GRIK4: variants seen among roughly 807,000 people sequenced by gnomAD.
GRIK4 encodes glutamate receptor ionotropic, kainate 4.
A neutral mutation model predicts 104.9 loss-of-function variants in GRIK4; 40 were observed. The ratio of observed to expected loss-of-function variants is 0.38; its 90% CI spans 0.30 to 0.50. GRIK4 has a LOEUF of 0.50. GRIK4 is among the 20% of genes least tolerant of loss of function. The pLI is 0.93. For synonymous variants in GRIK4, 485 were observed against 524.9 expected (o/e 0.92, Z 1.04); for missense variants, 1,047 against 1,308.1 (o/e 0.80, Z 3.08).
rs148371951 is a variant in GRIK4 at position 120,891,845 on chromosome 11, G to A, written c.1165-6687G>A. On this transcript the variant is annotated intron_variant, in intron 11 of 20. Transcript: ENST00000527524. ...GGGACCTTTGAGCTGAAGCCTGAGGGGATTAACAGATGTAAAGTAGATCAA... is the reference window on the plus strand; with the variant it reads ...GGGACCTTTGAGCTGAAGCCTGAGGAGATTAACAGATGTAAAGTAGATCAA... Among the ~76,000 whole-genome samples, 844 of 152,238 alleles carry A rather than the reference G, an allele frequency of 5.5e-3. 5 individuals carry two copies. Among genetic ancestry groups the A allele is most frequent in the Non-Finnish European group, 9.0e-3 (610 of 68,016 alleles).
At chr11:120,717,661 T>C (rs1242896081) in intron 3 of GRIK4, among the ~76,000 whole-genome samples, 1 of 152,148 alleles carries the variant, frequency 6.6e-6, no homozygotes, top group Non-Finnish European at 1.5e-5. Flanking sequence ...ATAAGAATCC[T>C]CCTGCTTCCT....
chr11:120,938,872 C>T (rs1411871343), intron 13 of GRIK4, among the ~76,000 whole-genome samples: 1 of 152,192 alleles, frequency 6.6e-6, no homozygotes, highest in African/African-American at 2.4e-5. Flanking sequence ...GTCCTACCAC[C>T]AGAAAATCTG....
intron 1 of GRIK4, chr11:120,514,936 T>C (rs947214704): frequency 8.5e-5 from 39 of 456,166 alleles, no homozygotes; most frequent in African/African-American, 8.0e-5. Flanking sequence ...TTGTTGGGCC[T>C]CCAGCCTCAG....
At chr11:120,875,950 C>A (rs960436909) in intron 11 of GRIK4, among the ~76,000 whole-genome samples, 2 of 152,044 alleles carry the variant, frequency 1.3e-5, no homozygotes, top group African/African-American at 4.8e-5. Context: ...TTTGGCTGAC[C>A]CTTCTGCAGC....
intron 11 of GRIK4, among the ~76,000 whole-genome samples, chr11:120,875,671 G>C (rs940209427): frequency 6.6e-6 from 1 of 152,012 alleles, no homozygotes; most frequent in Non-Finnish European, 1.5e-5. Context: ...GCCCTTCTCT[G>C]ACCAACCCAC....
rs1177263533 is a variant in GRIK4 at position 120,819,133 on chromosome 11, T to C, written c.346-622T>C. Among the ~76,000 whole-genome samples, 1 of 152,216 alleles carries C rather than the reference T, an allele frequency of 6.6e-6. No individual in the cohort carries two copies. The highest frequency in any genetic ancestry group is 1.5e-5 in the Non-Finnish European group (1 of 68,034). ...CCACGTATTTATTTACCTGGCTGTGTTCAGAGGTTCTCTAGATGGTTTCTC... is the reference window on the plus strand; with the variant it reads ...CCACGTATTTATTTACCTGGCTGTGCTCAGAGGTTCTCTAGATGGTTTCTC... On this transcript the variant is annotated intron_variant, in intron 5 of 20. Transcript: ENST00000527524. This position sits in a 1 kb window ranked among gnomAD's most constrained non-coding sequence, Gnocchi z 4.3.
chr11:120,874,661 G>C (rs150887829), intron 10 of GRIK4, among the ~76,000 whole-genome samples: 31 of 152,310 alleles, frequency 2.0e-4, no homozygotes, highest in African/African-American at 7.0e-4. Context: ...CCTCTGGTGG[G>C]TGAATGAGGA....
At position 120,785,365 on chromosome 11, in the gene GRIK4, G is replaced by A. The variant is rs377536973; in HGVS notation, c.83-17328G>A. On this transcript the variant is annotated intron_variant, in intron 3 of 20. Coordinates refer to ENST00000527524, the MANE Select transcript of GRIK4 (RefSeq NM_014619.5). ...CTTCCTACCCAAAAGAAAACCTACAGGGAGGTGAGCCGGTCCACAGAGAGC... is the reference window on the plus strand; with the variant it reads ...CTTCCTACCCAAAAGAAAACCTACAAGGAGGTGAGCCGGTCCACAGAGAGC... Among the ~76,000 whole-genome samples the A allele has an allele frequency of 5.4e-5, 8 of 148,608 alleles. No homozygotes were observed. In the East Asian group the frequency reaches 1.2e-3, roughly 21 times the overall value.
chr11:120,728,218 G>T (rs2135386999), intron 3 of GRIK4, among the ~76,000 whole-genome samples: 2 of 152,168 alleles, frequency 1.3e-5, no homozygotes, highest in Admixed American at 1.3e-4. Context: ...TTGTCATTCT[G>T]ACTTTTCTAC....
chr11:120,614,868 G>A (rs971245868), intron 1 of GRIK4, among the ~76,000 whole-genome samples: 16 of 152,088 alleles, frequency 1.1e-4, no homozygotes, highest in African/African-American at 3.6e-4. Context: ...GTGTGGTGGC[G>A]GGCGCTTGTA....
At chr11:120,621,711 G>T (rs779221165) in intron 1 of GRIK4, among the ~76,000 whole-genome samples, 2 of 152,072 alleles carry the variant, frequency 1.3e-5, no homozygotes, top group Non-Finnish European at 2.9e-5. Flanking sequence ...AGTTCTTTGG[G>T]CCTTATTTTC....
chr11:120,975,602 A>G (rs1944548503), intron 19 of GRIK4, among the ~76,000 whole-genome samples: 1 of 152,118 alleles, frequency 6.6e-6, no homozygotes, highest in South Asian at 2.1e-4. Flanking sequence ...CGATTCAAAC[A>G]TGCGATGTCA....
At chr11:120,864,234 T>C (rs1329704543) in intron 9 of GRIK4, among the ~76,000 whole-genome samples, 3 of 150,412 alleles carry the variant, frequency 2.0e-5, no homozygotes, top group Admixed American at 6.6e-5. Context: ...TATTTATTTA[T>C]TTATTTATTT....
intron 19 of GRIK4, among the ~76,000 whole-genome samples, chr11:120,971,732 T>C (rs1944478952): frequency 6.6e-6 from 1 of 152,224 alleles, no homozygotes; most frequent in African/African-American, 2.4e-5. Flanking sequence ...TGATGAATTC[T>C]GTGGAATGGT....
chr11:120,683,092 T>A (rs138225195), intron 3 of GRIK4, among the ~76,000 whole-genome samples: 1 of 152,316 alleles, frequency 6.6e-6, no homozygotes, highest in Non-Finnish European at 1.5e-5. Context: ...CTGGGCTTGC[T>A]GCCCTGGTTT....
intron 1 of GRIK4, among the ~76,000 whole-genome samples, chr11:120,596,618 C>CT (rs1412891425): frequency 6.6e-6 from 1 of 152,154 alleles, no homozygotes; most frequent in Admixed American, 6.5e-5. Flanking sequence ...AAGCCTCTGT[C>CT]TCTCTATAAA....
At chr11:120,746,749 A>G (rs946533464) in intron 3 of GRIK4, among the ~76,000 whole-genome samples, 6 of 152,204 alleles carry the variant, frequency 3.9e-5, no homozygotes, top group Non-Finnish European at 8.8e-5. Context: ...ATCATCAGGA[A>G]TGACAGATTC....
intron 13 of GRIK4, among the ~76,000 whole-genome samples, chr11:120,921,241 T>C: frequency 6.6e-6 from 1 of 152,212 alleles, no homozygotes; most frequent in East Asian, 1.9e-4. Context: ...CTGTCTCCGC[T>C]CACTAGAATG....
intron 1 of GRIK4, among the ~76,000 whole-genome samples, chr11:120,633,483 C>T (rs1326042234): frequency 6.6e-6 from 1 of 152,220 alleles, no homozygotes; most frequent in Non-Finnish European, 1.5e-5. Flanking sequence ...AAGCCTTTGA[C>T]TTAGACATTG....
Sources: gnomAD v4.1 joint callset for allele counts (sites outside exome capture counted in the v4.1 genomes callset) on GRCh38, gnomAD v4.1.1 for gene constraint, Gnocchi (gnomAD v3.1) non-coding constraint, MANE v1.5 for transcripts, NCBI Gene and HGNC (gene_info 2026-07-23, HGNC 2026-07-21) for gene names.